SCN1A: variants seen among roughly 807,000 people sequenced by gnomAD.
SCN1A encodes sodium voltage-gated channel alpha subunit 1, also known as sodium channel protein type 1 subunit alpha.
A neutral mutation model predicts 193.7 loss-of-function variants in SCN1A; 13 were observed. That is an observed-to-expected ratio of 0.07 (90% CI 0.04 to 0.11). The LOEUF is 0.11. Among genes scored for constraint, SCN1A ranks in the 10% least tolerant of loss-of-function variants. SCN1A has a pLI of 1.00. For synonymous variants in SCN1A, 781 were observed against 843.6 expected (o/e 0.93, Z 1.29); for missense variants, 1,432 against 2,451.1 (o/e 0.58, Z 8.78).
intron 2 of SCN1A, among the ~76,000 whole-genome samples, chr2:166,116,611 TTATCAAATTCATCA>T: frequency 3.0e-4 from 1 of 3,280 alleles, no homozygotes; most frequent in South Asian, 0.01. Flanking sequence ...ATCTGATGAA[TTATCAAATTCATCA>T]GATTCAGTGT....
In SCN1A at chr2:165,987,507, C is replaced by T. The variant is rs1276868897; in HGVS notation, c.*3738G>A. 6.6e-6 allele frequency: 1 copy of T among 152,130 alleles called. No homozygotes were observed. Among genetic ancestry groups the T allele is most frequent in the Non-Finnish European group, 1.5e-5 (1 of 68,008 alleles). The allele number at this position is 152,130 out of a possible 1,614,324, so 9.4% of individuals were successfully genotyped here. On this transcript the variant is annotated 3_prime_UTR_variant, in exon 29 of 29. Coordinates refer to ENST00000674923, the MANE Select transcript of SCN1A (RefSeq NM_001165963.4). Reference sequence around the variant, plus strand: ...GATTTTTCTAACTCCGTTATTTCTTCTACAATTGTTAATTAACATTCAACT... The same window carrying T: ...GATTTTTCTAACTCCGTTATTTCTTTTACAATTGTTAATTAACATTCAACT...
rs1358609273 is a variant in SCN1A at position 165,990,687 on chromosome 2, A to T, written c.*558T>A. On this transcript the variant is annotated 3_prime_UTR_variant, in exon 29 of 29. Coordinates refer to ENST00000674923, the MANE Select transcript of SCN1A (RefSeq NM_001165963.4). ...TCTAAGTGCAGCATGCCCTCATGCA[A>T]ACCACGACTTTGTGTAGCTGGGAGG... 1 of 155,154 alleles carries T rather than the reference A, an allele frequency of 6.4e-6. No homozygotes were observed. Among genetic ancestry groups the T allele is most frequent in the East Asian group, 1.9e-4 (1 of 5,230 alleles). The allele number at this position is 155,154 out of a possible 1,614,324, so 9.6% of individuals were successfully genotyped here.
chr2:166,062,651 C>T (rs1199818194), intron 4 of SCN1A, among the ~76,000 whole-genome samples: 6 of 152,116 alleles, frequency 3.9e-5, no homozygotes, highest in Admixed American at 1.3e-4. Flanking sequence ...CCCCGCTATA[C>T]GTATAAGAAA....
chr2:166,134,585 G>A (rs1691783158), intron 1 of SCN1A, among the ~76,000 whole-genome samples: 2 of 152,146 alleles, frequency 1.3e-5, no homozygotes, highest in South Asian at 4.1e-4. Context: ...AAGCCCAAGG[G>A]CACGAGCTCT....
rs548170185 is a variant in SCN1A at position 166,044,935 on chromosome 2, A to C, written c.1662+108T>G. ...GGGATGGGTTTAAATATAACACAAC[A>C]GTGGTTGATTCAGTTGATAAAAATT... On this transcript the variant is annotated intron_variant, in intron 13 of 28. Transcript: ENST00000674923. 14 of 1,180,782 alleles carry C rather than the reference A, an allele frequency of 1.2e-5. No homozygotes were observed. In the East Asian group the frequency reaches 2.8e-4, roughly 24 times the overall value. The allele number at this position is 1,180,782 out of a possible 1,614,324, so 73.1% of individuals were successfully genotyped here.
intron 1 of SCN1A, among the ~76,000 whole-genome samples, chr2:166,144,230 C>T (rs1239644740): frequency 2.0e-5 from 3 of 152,182 alleles, no homozygotes; most frequent in Non-Finnish European, 2.9e-5. Flanking sequence ...AAGTTACTGA[C>T]ACTCTCTATA....
At chr2:166,020,712 A>G (rs1022724396) in intron 19 of SCN1A, among the ~76,000 whole-genome samples, 3 of 152,246 alleles carry the variant, frequency 2.0e-5, no homozygotes, top group Admixed American at 6.5e-5. Flanking sequence ...AAAAAACCAT[A>G]AAATTAGGTG....
At chr2:166,143,656 C>T (rs41400450) in intron 1 of SCN1A, among the ~76,000 whole-genome samples, 11,545 of 152,110 alleles carry the variant, frequency 0.076, 560 homozygotes, top group Middle Eastern at 0.21. Flanking sequence ...GTCATATTGC[C>T]GAGCTAAACT....
chr2:166,068,180 C>G (rs928172185), intron 4 of SCN1A, among the ~76,000 whole-genome samples: 4 of 152,146 alleles, frequency 2.6e-5, no homozygotes, highest in Non-Finnish European at 4.4e-5. Context: ...GATATTAAAA[C>G]CAGATTCACT....
chr2:165,997,972 G>T, intron 26 of SCN1A, 66 bp downstream of exon 26: 2 of 1,299,952 alleles, frequency 1.5e-6, no homozygotes, highest in South Asian at 1.2e-5. Context: ...TACTCATTTG[G>T]CAGAGAAAAC....
intron 2 of SCN1A, among the ~76,000 whole-genome samples, chr2:166,106,464 C>T (rs1039426812): frequency 7.9e-5 from 12 of 151,878 alleles, no homozygotes; most frequent in African/African-American, 1.2e-4. Flanking sequence ...GTGTCCTGGC[C>T]GGAGCTCTGG....
chr2:166,113,312 A>T (rs1689498573), intron 2 of SCN1A, among the ~76,000 whole-genome samples: 1 of 152,126 alleles, frequency 6.6e-6, no homozygotes, highest in East Asian at 1.9e-4. Context: ...TTAGAATCTA[A>T]GTACTTAAGA....
Position 165,991,139 on chromosome 2 carries a change from ACAGTCAGTTTGGCATTGAC to A in SCN1A, c.*87_*105del. Reference sequence around the variant, plus strand: ...TGACCTTAAGGAGATTTGTGTAAAAACAGTCAGTTTGGCATTGACCTCCTAAAGGAGTCCTGTTGATAAA... The same window carrying A: ...TGACCTTAAGGAGATTTGTGTAAAAACTCCTAAAGGAGTCCTGTTGATAAA... On this transcript the variant is annotated 3_prime_UTR_variant, in exon 29 of 29. Coordinates refer to ENST00000674923, the MANE Select transcript of SCN1A (RefSeq NM_001165963.4). The A allele has an allele frequency of 1.0e-6, 1 of 993,664 alleles. No homozygotes were observed. Among genetic ancestry groups the A allele is most frequent in the East Asian group, 2.6e-5 (1 of 38,522 alleles). The allele number at this position is 993,664 out of a possible 1,614,324, so 61.6% of individuals were successfully genotyped here.
chr2:166,145,528 T>TTGTGTGTG (rs10659996), intron 1 of SCN1A, among the ~76,000 whole-genome samples: 17 of 150,406 alleles, frequency 1.1e-4, no homozygotes, highest in Non-Finnish European at 1.5e-4. Flanking sequence ...GGAGAAAAAT[T>TTGTGTGTG]TGTGTGTGTG....
chr2:166,139,879 G>C (rs1328941519), intron 1 of SCN1A, among the ~76,000 whole-genome samples: 2 of 151,968 alleles, frequency 1.3e-5, no homozygotes, highest in Non-Finnish European at 2.9e-5. Context: ...ATTTGAGTGG[G>C]GCACAGCCAA....
At chr2:166,083,148 G>C (rs1433627707) in intron 2 of SCN1A, among the ~76,000 whole-genome samples, 3 of 151,940 alleles carry the variant, frequency 2.0e-5, no homozygotes, top group South Asian at 2.1e-4. Flanking sequence ...AACCTAGAAA[G>C]TATTGTTTTA....
chr2:166,083,711 T>C (rs1685777155), intron 2 of SCN1A, among the ~76,000 whole-genome samples: 2 of 152,102 alleles, frequency 1.3e-5, no homozygotes, highest in Admixed American at 1.3e-4. Context: ...AGTAAGACCA[T>C]GGATAGTTCA....
At chr2:166,117,098 A>G (rs1030469061) in intron 2 of SCN1A, among the ~76,000 whole-genome samples, 2 of 152,184 alleles carry the variant, frequency 1.3e-5, no homozygotes, top group Non-Finnish European at 2.9e-5. Context: ...ATATTGTCAA[A>G]TGTATTTTTA....
At chr2:166,139,025 C>T (rs1437922968) in intron 1 of SCN1A, among the ~76,000 whole-genome samples, 1 of 152,170 alleles carries the variant, frequency 6.6e-6, no homozygotes, top group Non-Finnish European at 1.5e-5. Context: ...TCTGTAGTTC[C>T]TCTGTTTTGG....
Sources: gnomAD v4.1 joint callset for allele counts (sites outside exome capture counted in the v4.1 genomes callset) on GRCh38, gnomAD v4.1.1 for gene constraint, MANE v1.5 for transcripts, NCBI Gene and HGNC (gene_info 2026-07-23, HGNC 2026-07-21) for gene names.